Variants in CHST15 observed in about 807,000 individuals in gnomAD.
CHST15 encodes the protein B cell RAG associated protein (GALNAC4S-6ST).
CHST15 carries 30 observed loss-of-function variants against 53.6 expected under a neutral mutation model. The ratio of observed to expected loss-of-function variants is 0.56; its 90% CI spans 0.42 to 0.76. CHST15 has a LOEUF of 0.76. Among genes scored for constraint, CHST15 ranks in the 30% least tolerant of loss-of-function variants. The pLI is 0.00. For synonymous variants in CHST15, 296 were observed against 289.8 expected (o/e 1.02, Z -0.22); for missense variants, 627 against 740.5 (o/e 0.85, Z 1.78).
Position 124,021,406 on chromosome 10 carries a change from G to A in CHST15, c.1197C>T (p.Tyr399=). Residue 399 remains tyrosine (Y), a synonymous_variant, in exon 6 of 8, where the codon TAC becomes TAT. Transcript: ENST00000435907. ...VMLRDPVERL[Y]SDYLYFASSN... ...AACTTGCAAAGTAGAGATAGTCTGAGTACAACCTGTGAATAAAATAAATGC... is the reference window on the plus strand; with the variant it reads ...AACTTGCAAAGTAGAGATAGTCTGAATACAACCTGTGAATAAAATAAATGC... The A allele has an allele frequency of 1.2e-6, 2 of 1,609,734 alleles. No homozygotes were observed. The highest frequency in any genetic ancestry group is 1.3e-5 in the African/African-American group (1 of 74,992).
At chr10:124,083,328 G>A (rs920976619) in intron 1 of CHST15, among the ~76,000 whole-genome samples, 7 of 151,990 alleles carry the variant, frequency 4.6e-5, no homozygotes, top group South Asian at 2.1e-4. Context: ...TTTTTCTATC[G>A]ACTTATTTCC....
intron 1 of CHST15, among the ~76,000 whole-genome samples, chr10:124,081,332 A>G (rs966000091): frequency 7.2e-5 from 11 of 152,272 alleles, no homozygotes; most frequent in Non-Finnish European, 1.6e-4. Context: ...TAACGAATCC[A>G]GGTCCATGCA....
chr10:124,067,421 G>A (rs1948781697), intron 1 of CHST15, among the ~76,000 whole-genome samples: 1 of 152,200 alleles, frequency 6.6e-6, no homozygotes, highest in Non-Finnish European at 1.5e-5. Context: ...AGGCACTTGA[G>A]AGATCACACT....
In CHST15 at chr10:124,021,246, G is replaced by GTGC. The variant is rs752093499; in HGVS notation, c.1347+9_1347+10insGCA. 1 of 1,556,456 alleles carries GTGC rather than the reference G, an allele frequency of 6.4e-7. No individual in the cohort carries two copies. Among genetic ancestry groups the GTGC allele is most frequent in the East Asian group, 2.6e-5 (1 of 38,540 alleles). On this transcript the variant is annotated intron_variant, in intron 6 of 7. Transcript: ENST00000435907. ...CCAGCTCGGGGGGTACGGGGGGGGG[G>GTGC]GGTACACACAGGCATGGCGTTGTTG...
chr10:124,021,236 C>G lies in CHST15; in HGVS notation c.1347+20G>C, dbSNP rs1333911920. 29 of 1,288,788 alleles carry G rather than the reference C, an allele frequency of 2.3e-5. No individual in the cohort carries two copies. The highest frequency in any genetic ancestry group is 1.1e-4 in the Admixed American group (5 of 45,026). The allele number at this position is 1,288,788 out of a possible 1,614,324, so 79.8% of individuals were successfully genotyped here. A position where few individuals can be genotyped will look rare whatever the true frequency, so the allele number is the denominator to read the frequency against. ...CTGCCAGGGGCCAGCTCGGGGGGTA[C>G]GGGGGGGGGGGGTACACACAGGCAT... On this transcript the variant is annotated intron_variant, in intron 6 of 7. Coordinates refer to ENST00000435907, the MANE Select transcript of CHST15 (RefSeq NM_001270764.2).
At chr10:124,025,096 C>T (rs538320849) in intron 5 of CHST15, among the ~76,000 whole-genome samples, 2 of 152,334 alleles carry the variant, frequency 1.3e-5, no homozygotes, top group Admixed American at 6.5e-5. Flanking sequence ...GTGGTAATAA[C>T]ATTTCTTGCA....
At chr10:124,037,486 C>A (rs1947542424) in intron 5 of CHST15, among the ~76,000 whole-genome samples, 1 of 152,194 alleles carries the variant, frequency 6.6e-6, no homozygotes, top group South Asian at 2.1e-4. Flanking sequence ...CTACACTGGC[C>A]ATCTTGCGCG....
intron 1 of CHST15, among the ~76,000 whole-genome samples, chr10:124,085,130 T>C (rs1322111539): frequency 6.6e-6 from 1 of 152,212 alleles, no homozygotes; most frequent in African/African-American, 2.4e-5. Flanking sequence ...CATAGTCTGA[T>C]TTGGGGTTTG....
At chr10:124,068,403 C>T (rs745369009) in intron 1 of CHST15, among the ~76,000 whole-genome samples, 1 of 152,002 alleles carries the variant, frequency 6.6e-6, no homozygotes, top group African/African-American at 2.4e-5. Context: ...AAGGACAGGG[C>T]ACCTGGGAAG....
Position 124,009,010 on chromosome 10 carries a change from G to T in CHST15, c.*1139C>A, listed in dbSNP as rs1405091428. The T allele has an allele frequency of 1.6e-6, 2 of 1,289,128 alleles. No homozygotes were observed. Among genetic ancestry groups the T allele is most frequent in the Non-Finnish European group, 2.0e-6 (2 of 988,684 alleles). The allele number at this position is 1,289,128 out of a possible 1,614,324, so 79.9% of individuals were successfully genotyped here. On this transcript the variant is annotated 3_prime_UTR_variant, in exon 8 of 8. Transcript: ENST00000435907. ...CACGTTCAGCCCAAGTTCAGCTTGT[G>T]CATTGTGTTTTGGAATTGGGACACG...
intron 1 of CHST15, among the ~76,000 whole-genome samples, chr10:124,068,424 G>A (rs1161546960): frequency 1.3e-5 from 2 of 152,116 alleles, no homozygotes; most frequent in South Asian, 2.1e-4. Context: ...TTCAGGAATC[G>A]TTGGCAGTGC....
At chr10:124,063,663 A>G (rs1357692767) in intron 1 of CHST15, among the ~76,000 whole-genome samples, 1 of 152,188 alleles carries the variant, frequency 6.6e-6, no homozygotes, top group Non-Finnish European at 1.5e-5. Context: ...AAATCTCACT[A>G]AGTTTCAGTA....
At chr10:124,057,841 T>C (rs1214449870) in intron 1 of CHST15, among the ~76,000 whole-genome samples, 1 of 152,146 alleles carries the variant, frequency 6.6e-6, no homozygotes, top group African/African-American at 2.4e-5. Context: ...ACCTCCCTTG[T>C]GCAACCACCC....
chr10:124,018,395 T>C (rs9422270), intron 6 of CHST15, among the ~76,000 whole-genome samples: 29,432 of 152,308 alleles, frequency 0.19, 3,727 homozygotes, highest in Non-Finnish European at 0.28. Context: ...TTTATAAATA[T>C]TGGCTGATTA....
At chr10:124,057,588 C>A (rs1948426425) in intron 1 of CHST15, among the ~76,000 whole-genome samples, 1 of 152,140 alleles carries the variant, frequency 6.6e-6, no homozygotes, top group Non-Finnish European at 1.5e-5. Context: ...AACAAAGACT[C>A]CAGAGGCTCC....
intron 5 of CHST15, among the ~76,000 whole-genome samples, chr10:124,026,568 T>C (rs960304970): frequency 6.6e-6 from 1 of 151,990 alleles, no homozygotes; most frequent in African/African-American, 2.4e-5. Context: ...CATGAGGAAG[T>C]GGGGGAAGGA....
intron 6 of CHST15, among the ~76,000 whole-genome samples, chr10:124,016,977 G>A (rs1946606429): frequency 6.6e-6 from 1 of 152,160 alleles, no homozygotes; most frequent in Non-Finnish European, 1.5e-5. Flanking sequence ...CCCGCAGCAG[G>A]AGGGCAGGGG....
At chr10:124,010,677 C>T in intron 7 of CHST15, 2 of 985,458 alleles carry the variant, frequency 2.0e-6, no homozygotes, top group Non-Finnish European at 2.4e-6. Context: ...GGTGTCAGCC[C>T]GTCCTTGGAG....
At chr10:124,011,698 C>T in intron 7 of CHST15, 1 of 985,474 alleles carries the variant, frequency 1.0e-6, no homozygotes, top group Non-Finnish European at 1.2e-6. Context: ...CAAAGTGACT[C>T]TCAGGCCCCT....
Sources: gnomAD v4.1 joint callset for allele counts (sites outside exome capture counted in the v4.1 genomes callset) on GRCh38, gnomAD v4.1.1 for gene constraint, MANE v1.5 for transcripts, NCBI Gene and HGNC (gene_info 2026-07-23, HGNC 2026-07-21) for gene names.